The following RIMS2 variants were observed in gnomAD, a reference collection of about 807,000 sequenced individuals.
The protein encoded by RIMS2 is regulating synaptic membrane exocytosis 2.
In RIMS2, 59 loss-of-function variants were observed where a neutral mutation model predicts 174.4. That is an observed-to-expected ratio of 0.34 (90% CI 0.27 to 0.42). RIMS2 has a LOEUF of 0.42. Ranked by LOEUF, RIMS2 falls within the 10% of genes least tolerant of loss-of-function variation. RIMS2 has a pLI of 1.00. For synonymous variants in RIMS2, 606 were observed against 572.5 expected (o/e 1.06, Z -0.84); for missense variants, 1,620 against 1,666.3 (o/e 0.97, Z 0.48).
At chr8:104,183,036 A>G (rs1230407456) in intron 19 of RIMS2, among the ~76,000 whole-genome samples, 1 of 151,800 alleles carries the variant, frequency 6.6e-6, no homozygotes, top group Admixed American at 6.6e-5. Flanking sequence ...AAATGAATCC[A>G]TAAGGATATA....
intron 3 of RIMS2, among the ~76,000 whole-genome samples, chr8:103,875,038 G>C (rs1289513818): frequency 6.6e-6 from 1 of 151,868 alleles, no homozygotes; most frequent in Non-Finnish European, 1.5e-5. Context: ...TAGGAGTGTT[G>C]GGAAAGAAGC....
intron 1 of RIMS2, among the ~76,000 whole-genome samples, chr8:103,520,137 C>G (rs1830931201): frequency 6.6e-6 from 1 of 152,054 alleles, no homozygotes; most frequent in Non-Finnish European, 1.5e-5. Context: ...GACTCTCTGT[C>G]TCTTTATCTA....
At chr8:103,721,793 G>A (rs2097452423) in intron 2 of RIMS2, among the ~76,000 whole-genome samples, 2 of 152,162 alleles carry the variant, frequency 1.3e-5, no homozygotes, top group South Asian at 4.1e-4. Flanking sequence ...ATCAGTGAGA[G>A]TTTATGAGCT....
intron 1 of RIMS2, among the ~76,000 whole-genome samples, chr8:103,541,671 ATGG>A (rs1349429057): frequency 6.6e-6 from 1 of 152,352 alleles, no homozygotes; most frequent in Non-Finnish European, 1.5e-5. Context: ...TAGTACTGTA[ATGG>A]TGGTGTGTAA....
intron 19 of RIMS2, among the ~76,000 whole-genome samples, chr8:104,052,885 T>C (rs140111518): frequency 2.0e-4 from 31 of 152,144 alleles, no homozygotes; most frequent in African/African-American, 5.1e-4. Flanking sequence ...AGCAACACTT[T>C]GGGAAATGCA....
At chr8:103,926,463 CAG>C (rs910178754) in intron 10 of RIMS2, among the ~76,000 whole-genome samples, 1 of 151,216 alleles carries the variant, frequency 6.6e-6, no homozygotes, top group South Asian at 2.1e-4. Context: ...GAGACAGAGA[CAG>C]AGAGAGAGAG....
chr8:103,832,752 A>G (rs1040799441), intron 3 of RIMS2, among the ~76,000 whole-genome samples: 4 of 152,026 alleles, frequency 2.6e-5, no homozygotes, highest in South Asian at 4.1e-4. Context: ...TAATTTATCT[A>G]TTTGCTTATT....
rs995422969 is a variant in RIMS2, at chr8:104,134,396, C to T, written c.3335-110520C>T. Among the ~76,000 whole-genome samples, 10 of 152,244 alleles carry T rather than the reference C, an allele frequency of 6.6e-5. No individual in the cohort carries two copies. The South Asian group carries it at 1.9e-3, about 28-fold the overall frequency. The stretch of plus-strand genomic sequence containing the variant: ...AGGAGAATTGCTTGAACCCGGGAGG[C>T]GGAGCTTGCAGTGAGCCAAGATCGT... On this transcript the variant is annotated intron_variant, in intron 19 of 23. Coordinates refer to ENST00000504942, the Ensembl canonical transcript of RIMS2.
chr8:104,071,689 G>A (rs1326744799), intron 19 of RIMS2, among the ~76,000 whole-genome samples: 2 of 152,080 alleles, frequency 1.3e-5, no homozygotes, highest in Non-Finnish European at 2.9e-5. Flanking sequence ...GCCCGCCTTG[G>A]CCTCCCAAAG....
chr8:103,918,415 TTTC>T lies in RIMS2; in HGVS notation c.2037-23_2037-21del, dbSNP rs146191002. 0.065 allele frequency: 95,195 copies of T among 1,474,248 alleles called. 2,156 individuals carry two copies. Among genetic ancestry groups the T allele is most frequent in the African/African-American group, 0.19 (12,449 of 66,626 alleles). The allele number at this position is 1,474,248 out of a possible 1,614,324, so 91.3% of individuals were successfully genotyped here. A position where few individuals can be genotyped will look rare whatever the true frequency, so the allele number is the denominator to read the frequency against. ...ATTAATTGTTGAAACAGTTTCTGTC[TTTC>T]TTTTTTTTTTTAATCATTTCAGAGA... On this transcript the variant is annotated intron_variant, in intron 8 of 23. Coordinates refer to ENST00000504942, the Ensembl canonical transcript of RIMS2.
chr8:103,757,010 T>TGTGTGA (rs1458679084), intron 2 of RIMS2, among the ~76,000 whole-genome samples: 23 of 114,356 alleles, frequency 2.0e-4, no homozygotes, highest in East Asian at 1.4e-3. Context: ...TGTGTGTGTG[T>TGTGTGA]GAGAGAGAGA....
At chr8:103,755,437 A>G (rs2097978226) in intron 2 of RIMS2, among the ~76,000 whole-genome samples, 1 of 151,980 alleles carries the variant, frequency 6.6e-6, no homozygotes, top group Admixed American at 6.6e-5. Context: ...CAGTATCTTT[A>G]TGGTGTTCTT....
intron 12 of RIMS2, among the ~76,000 whole-genome samples, chr8:103,933,437 G>A (rs1174200151): frequency 6.6e-6 from 1 of 152,146 alleles, no homozygotes; most frequent in African/African-American, 2.4e-5. Flanking sequence ...AGTGAGCTGA[G>A]ATTGCATGCG....
intron 2 of RIMS2, among the ~76,000 whole-genome samples, chr8:103,709,874 C>T (rs2097282811): frequency 6.6e-6 from 1 of 152,034 alleles, no homozygotes; most frequent in Non-Finnish European, 1.5e-5. Context: ...GAGCCAGAGG[C>T]AATACTCCCC....
At chr8:103,814,257 G>A (rs1349890599) in intron 3 of RIMS2, among the ~76,000 whole-genome samples, 1 of 152,104 alleles carries the variant, frequency 6.6e-6, no homozygotes, top group East Asian at 1.9e-4. Flanking sequence ...GAGGGTGGAG[G>A]ATAGGAGGAG....
At chr8:103,991,914 G>C (rs143753979) in intron 17 of RIMS2, among the ~76,000 whole-genome samples, 5 of 152,062 alleles carry the variant, frequency 3.3e-5, no homozygotes, top group African/African-American at 4.8e-5. Flanking sequence ...TAAATGACTC[G>C]TATCAACTTT....
At chr8:104,164,007 A>G (rs2098780762) in intron 19 of RIMS2, among the ~76,000 whole-genome samples, 1 of 152,112 alleles carries the variant, frequency 6.6e-6, no homozygotes. Flanking sequence ...ATTTTACTTC[A>G]CCACCTTTCA....
chr8:103,616,804 A>G (rs116735224), intron 1 of RIMS2, among the ~76,000 whole-genome samples: 2,370 of 152,310 alleles, frequency 0.016, 51 homozygotes, highest in African/African-American at 0.05. Flanking sequence ...ACCTAGGAAT[A>G]CAGATAACTA....
intron 1 of RIMS2, among the ~76,000 whole-genome samples, chr8:103,545,947 C>A (rs112771946): frequency 8.9e-4 from 136 of 152,262 alleles, no homozygotes; most frequent in African/African-American, 3.1e-3. Context: ...ACATAGATCA[C>A]TGACACTATA....
Sources: gnomAD v4.1 joint callset for allele counts (sites outside exome capture counted in the v4.1 genomes callset) on GRCh38, gnomAD v4.1.1 for gene constraint, MANE v1.5 for transcripts, NCBI Gene and HGNC (gene_info 2026-07-23, HGNC 2026-07-21) for gene names.